VAV3: variants seen among roughly 807,000 people sequenced by gnomAD.
The protein encoded by VAV3 is guanine nucleotide exchange factor VAV3.
VAV3 carries 94 observed loss-of-function variants against 131.2 expected under a neutral mutation model. That is an observed-to-expected ratio of 0.72 (90% CI 0.61 to 0.85). The LOEUF (loss-of-function observed/expected upper bound fraction) is 0.85, where lower values mean the gene tolerates loss of function less well. Ranked by LOEUF, VAV3 falls within the 40% of genes least tolerant of loss-of-function variation. VAV3 has a pLI of 0.00. For synonymous variants in VAV3, 349 were observed against 342.0 expected, an observed-to-expected ratio of 1.02 and a Z score of -0.22; for missense variants, 939 against 1,002.7, an observed-to-expected ratio of 0.94 and a Z score of 0.86.
chr1:107,925,071 T>A (rs981900659), intron 1 of VAV3, among the ~76,000 whole-genome samples: 5 of 152,230 alleles, frequency 3.3e-5, no homozygotes, highest in South Asian at 2.1e-4. Flanking sequence ...CATGGGACAA[T>A]GTGGATATGT....
intron 19 of VAV3, among the ~76,000 whole-genome samples, chr1:107,643,242 G>A (rs974681948): frequency 6.6e-6 from 1 of 152,136 alleles, no homozygotes; most frequent in Non-Finnish European, 1.5e-5. Flanking sequence ...AAGCAAAAAG[G>A]TGATGGATGT....
At chr1:107,961,637 CATAA>C (rs1421426885) in intron 1 of VAV3, among the ~76,000 whole-genome samples, 3 of 152,216 alleles carry the variant, frequency 2.0e-5, no homozygotes, top group African/African-American at 7.2e-5. Context: ...TTTAACCTAT[CATAA>C]ATAAAAACAA....
chr1:107,948,934 T>C (rs569739135), intron 1 of VAV3, among the ~76,000 whole-genome samples: 66 of 152,260 alleles, frequency 4.3e-4, no homozygotes, highest in African/African-American at 1.5e-3. Flanking sequence ...ATTAATATGG[T>C]TTTTTAATTA....
intron 1 of VAV3, among the ~76,000 whole-genome samples, chr1:107,886,993 CAAAG>C (rs1467658547): frequency 2.6e-5 from 4 of 152,054 alleles, no homozygotes; most frequent in Admixed American, 6.6e-5. Context: ...AGCAAGGAAA[CAAAG>C]AAAGTCTGTA....
Position 107,623,307 on chromosome 1 carries a change from T to A in VAV3, c.1915-5675A>T, listed in dbSNP as rs563114744. On this transcript the variant is annotated intron_variant, in intron 20 of 26. Coordinates refer to ENST00000370056, the MANE Select transcript of VAV3 (RefSeq NM_006113.5). ...AAGAATTAATATGCATGAAAGTACT[T>A]TGCAAATGCTAAATACTTGTTTTAT... 1.4e-3 allele frequency among the ~76,000 whole-genome samples: 207 copies of A among 152,366 alleles called. 1 individual carries two copies. Among genetic ancestry groups the A allele is most frequent in the Non-Finnish European group, 1.9e-3 (129 of 68,040 alleles).
chr1:107,843,178 A>C (rs1414673078), intron 2 of VAV3, among the ~76,000 whole-genome samples: 3 of 151,944 alleles, frequency 2.0e-5, no homozygotes, highest in African/African-American at 2.4e-5. Flanking sequence ...GGGCATTATA[A>C]CTGACAGCTC....
chr1:107,606,528 T>C (rs1652279274), intron 22 of VAV3, among the ~76,000 whole-genome samples: 1 of 152,164 alleles, frequency 6.6e-6, no homozygotes, highest in Admixed American at 6.5e-5. Flanking sequence ...TGGTTTTCTC[T>C]TTCTGGAATT....
intron 2 of VAV3, among the ~76,000 whole-genome samples, chr1:107,820,395 T>C (rs1570998184): frequency 6.6e-6 from 1 of 152,122 alleles, no homozygotes; most frequent in Non-Finnish European, 1.5e-5. Context: ...CACTCATCTG[T>C]GGGAGCTAAA....
In VAV3 at chr1:107,895,672, G is replaced by C. The variant is rs1310957284; in HGVS notation, c.205-20655C>G. On this transcript the variant is annotated intron_variant, in intron 1 of 26. Coordinates refer to ENST00000370056, the MANE Select transcript of VAV3 (RefSeq NM_006113.5). ...ACAGGAAAGAAAAACTGGTATTATTGGCCACGTCACTGATTTCTGTACACT... is the reference window on the plus strand; with the variant it reads ...ACAGGAAAGAAAAACTGGTATTATTCGCCACGTCACTGATTTCTGTACACT... Among the ~76,000 whole-genome samples the C allele has an allele frequency of 3.3e-5, 5 of 152,018 alleles. No individual in the cohort carries two copies. In the South Asian group the frequency reaches 1.0e-3, roughly 32 times the overall value.
At chr1:107,954,224 A>C (rs533578304) in intron 1 of VAV3, among the ~76,000 whole-genome samples, 6 of 152,284 alleles carry the variant, frequency 3.9e-5, no homozygotes, top group African/African-American at 1.4e-4. Flanking sequence ...TAATAGAAAA[A>C]AAATGCCCTA....
At position 107,702,203 on chromosome 1, in the gene VAV3, A is replaced by G. The variant is rs538388542; in HGVS notation, c.1705+2347T>C. Among the ~76,000 whole-genome samples the G allele has an allele frequency of 5.9e-5, 9 of 152,340 alleles. No individual in the cohort carries two copies. In the East Asian group the frequency reaches 1.7e-3, roughly 29 times the overall value. The stretch of plus-strand genomic sequence containing the variant: ...AGAAGGTGAAGCAGGTACATCTTAC[A>G]TGGTGACAAGTGAGACAGAGAGCAA... On this transcript the variant is annotated intron_variant, in intron 17 of 26. Transcript: ENST00000370056.
intron 1 of VAV3, among the ~76,000 whole-genome samples, chr1:107,928,884 G>A (rs188585629): frequency 3.3e-5 from 5 of 152,022 alleles, no homozygotes; most frequent in East Asian, 3.9e-4. Flanking sequence ...GAAAGATATC[G>A]ATATCCAAGT....
intron 15 of VAV3, among the ~76,000 whole-genome samples, chr1:107,730,166 C>T (rs1182856436): frequency 6.6e-6 from 1 of 152,094 alleles, no homozygotes. Flanking sequence ...TTTGGTTCTC[C>T]CCAGGAAGGA....
intron 1 of VAV3, among the ~76,000 whole-genome samples, chr1:107,959,122 G>A (rs912885740): frequency 5.3e-5 from 8 of 151,890 alleles, no homozygotes; most frequent in African/African-American, 1.7e-4. Flanking sequence ...TTAGCCAGGC[G>A]TGGTAGCACA....
intron 25 of VAV3, among the ~76,000 whole-genome samples, chr1:107,587,176 G>T (rs1558068273): frequency 6.6e-6 from 1 of 152,128 alleles, no homozygotes; most frequent in Non-Finnish European, 1.5e-5. Flanking sequence ...GCAAGCAGAG[G>T]CTCAACAAAT....
intron 20 of VAV3, among the ~76,000 whole-genome samples, chr1:107,620,852 A>G (rs779495269): frequency 5.3e-5 from 8 of 152,144 alleles, no homozygotes; most frequent in Non-Finnish European, 8.8e-5. Flanking sequence ...CTTCCTTTGT[A>G]GAAACAGGTG....
chr1:107,868,669 T>C (rs1670113998), intron 2 of VAV3, among the ~76,000 whole-genome samples: 1 of 152,186 alleles, frequency 6.6e-6, no homozygotes, highest in South Asian at 2.1e-4. Flanking sequence ...TCTGGGACTT[T>C]GTCTTTATAT....
intron 1 of VAV3, among the ~76,000 whole-genome samples, chr1:107,938,831 T>C (rs1217072282): frequency 5.9e-5 from 9 of 152,218 alleles, no homozygotes. Context: ...ATGGACACAG[T>C]GAACTGTAAC....
chr1:107,778,656 T>C (rs1176910355), intron 3 of VAV3, among the ~76,000 whole-genome samples: 1 of 152,158 alleles, frequency 6.6e-6, no homozygotes, highest in Non-Finnish European at 1.5e-5. Context: ...AGAATGTGAA[T>C]GTGAGCTGGA....
Sources: allele counts gnomAD v4.1 joint callset (sites outside exome capture counted in the v4.1 genomes callset), GRCh38; gene constraint gnomAD v4.1.1; transcripts MANE v1.5; gene names NCBI Gene and HGNC (gene_info 2026-07-23, HGNC 2026-07-21).